Variants in LAMP3 observed in about 807,000 individuals in gnomAD.
LAMP3 encodes the protein lysosome-associated membrane glycoprotein 3.
LAMP3 carries 26 observed loss-of-function variants against 34.8 expected under a neutral mutation model. The ratio of observed to expected loss-of-function variants is 0.75; its 90% CI spans 0.55 to 1.04. LAMP3 has a LOEUF of 1.04. LAMP3 is among the 50% of genes least tolerant of loss of function. The pLI, the probability that LAMP3 is intolerant of heterozygous loss-of-function variation, is 0.00. For synonymous variants in LAMP3, 180 were observed against 201.9 expected, an observed-to-expected ratio of 0.89 and a Z score of 0.92; for missense variants, 495 against 524.0, an observed-to-expected ratio of 0.94 and a Z score of 0.54.
In LAMP3 at chr3:183,129,607, G is replaced by A. The variant is rs1290417721; in HGVS notation, c.1118-5393C>T. ...AGTGTATTGCTTTGACACTCATCTTGTTTTCTTACTCTTTCATTTTAACAT... is the reference window on the plus strand; with the variant it reads ...AGTGTATTGCTTTGACACTCATCTTATTTTCTTACTCTTTCATTTTAACAT... On this transcript the variant is annotated intron_variant, in intron 5 of 5. Transcript: ENST00000265598. Among the ~76,000 whole-genome samples the A allele has an allele frequency of 2.0e-5, 3 of 151,832 alleles. No homozygotes were observed. In the East Asian group the frequency reaches 5.8e-4, roughly 29 times the overall value.
At chr3:183,156,585 T>C (rs1720828865) in intron 1 of LAMP3, among the ~76,000 whole-genome samples, 1 of 152,176 alleles carries the variant, frequency 6.6e-6, no homozygotes, top group Non-Finnish European at 1.5e-5. Context: ...AAATAATTCA[T>C]ATATGCCTTT....
At chr3:183,148,879 G>T (rs1247528350) in intron 3 of LAMP3, among the ~76,000 whole-genome samples, 1 of 152,146 alleles carries the variant, frequency 6.6e-6, no homozygotes, top group African/African-American at 2.4e-5. Context: ...ATATCGAAGC[G>T]ATCTGCTCTC....
intron 3 of LAMP3, among the ~76,000 whole-genome samples, chr3:183,148,728 C>A (rs1720522694): frequency 6.6e-6 from 1 of 152,106 alleles, no homozygotes; most frequent in Admixed American, 6.6e-5. Context: ...AAAAGGGAAC[C>A]CTCATACACT....
Position 183,122,601 on chromosome 3 carries a change from T to C in LAMP3, c.*1480A>G, listed in dbSNP as rs1036580386. ...CTCTATTATCAAAAAAATTTAAAAA[T>C]ACTTTGAGTTTATTTGATGCCTTCA... On this transcript the variant is annotated 3_prime_UTR_variant, in exon 6 of 6. Coordinates refer to ENST00000265598, the MANE Select transcript of LAMP3 (RefSeq NM_014398.4). The C allele has an allele frequency of 2.6e-5, 4 of 152,222 alleles. No homozygotes were observed. Among genetic ancestry groups the C allele is most frequent in the African/African-American group, 9.6e-5 (4 of 41,452 alleles). 9.4% of individuals were successfully genotyped at this position (152,222 alleles called of 1,614,324 possible).
chr3:183,137,473 C>T (rs1241595149), intron 4 of LAMP3, among the ~76,000 whole-genome samples: 3 of 152,162 alleles, frequency 2.0e-5, no homozygotes, highest in African/African-American at 4.8e-5. Context: ...ACTCTCTGGT[C>T]TGCTTAGTAG....
intron 3 of LAMP3, among the ~76,000 whole-genome samples, chr3:183,147,699 G>A (rs1191694190): frequency 6.6e-6 from 1 of 151,676 alleles, no homozygotes; most frequent in East Asian, 1.9e-4. Flanking sequence ...CCCTGTTTTG[G>A]CTTAAACAAG....
chr3:183,139,195 GC>G (rs1013832602), intron 4 of LAMP3, among the ~76,000 whole-genome samples: 15 of 152,016 alleles, frequency 9.9e-5, no homozygotes, highest in Non-Finnish European at 1.8e-4. Flanking sequence ...TTTGAAACCA[GC>G]CTGACCAACG....
At chr3:183,141,445 T>G (rs529798510) in intron 3 of LAMP3, among the ~76,000 whole-genome samples, 19 of 152,354 alleles carry the variant, frequency 1.2e-4, no homozygotes, top group African/African-American at 3.8e-4. Context: ...GTTTCTATTT[T>G]TTAATTGAGG....
rs1201311368 is a variant in LAMP3, at chr3:183,126,471, A to G, written c.1118-2257T>C. Among the ~76,000 whole-genome samples the G allele has an allele frequency of 3.3e-5, 5 of 152,094 alleles. No homozygotes were observed. The South Asian group carries it at 8.3e-4, about 25-fold the overall frequency. ...AAGAAAAGAAGTGACTGATCCAATC[A>G]CCCCATTTCTTCTATTTGAATCAAT... On this transcript the variant is annotated intron_variant, in intron 5 of 5. Coordinates refer to ENST00000265598, the MANE Select transcript of LAMP3 (RefSeq NM_014398.4).
chr3:183,143,673 T>A (rs1446790512), intron 3 of LAMP3, among the ~76,000 whole-genome samples: 2 of 152,128 alleles, frequency 1.3e-5, no homozygotes, highest in African/African-American at 4.8e-5. Context: ...ATGGCTTCTG[T>A]TCATACATCC....
At chr3:183,126,713 A>G (rs980235767) in intron 5 of LAMP3, among the ~76,000 whole-genome samples, 5 of 152,228 alleles carry the variant, frequency 3.3e-5, no homozygotes, top group African/African-American at 1.2e-4. Flanking sequence ...CCATCCACCA[A>G]GAAATGTCAT....
chr3:183,154,432 T>C lies in LAMP3; in HGVS notation c.50-41A>G, dbSNP rs1039707207. The stretch of plus-strand genomic sequence containing the variant: ...TAAAAGTGTTAAAAACACTAACCGA[T>C]TGCTTACAAGGTTCCCTCTCCCATC... On this transcript the variant is annotated intron_variant, in intron 1 of 5. Coordinates refer to ENST00000265598, the MANE Select transcript of LAMP3 (RefSeq NM_014398.4). 7 of 1,463,358 alleles carry C rather than the reference T, an allele frequency of 4.8e-6. No homozygotes were observed. The African/African-American group carries it at 9.9e-5, about 21-fold the overall frequency. 90.6% of individuals were successfully genotyped at this position (1,463,358 alleles called of 1,614,324 possible). A position where few individuals can be genotyped will look rare whatever the true frequency, so the allele number is the denominator to read the frequency against.
intron 3 of LAMP3, among the ~76,000 whole-genome samples, chr3:183,147,110 G>A (rs988961017): frequency 2.6e-5 from 4 of 152,006 alleles, no homozygotes; most frequent in Non-Finnish European, 5.9e-5. Context: ...GGGCGTGGTG[G>A]CATGCACCTG....
chr3:183,126,137 C>T (rs920184853), intron 5 of LAMP3, among the ~76,000 whole-genome samples: 1 of 152,090 alleles, frequency 6.6e-6, no homozygotes, highest in African/African-American at 2.4e-5. Context: ...AGGTATATTA[C>T]AGCACTGTCC....
At position 183,138,841 on chromosome 3, in the gene LAMP3, T is replaced by C. The variant is rs554963737; in HGVS notation, c.946+1697A>G. 1.3e-3 allele frequency among the ~76,000 whole-genome samples: 197 copies of C among 152,218 alleles called. 2 individuals carry two copies. Among genetic ancestry groups the C allele is most frequent in the South Asian group, 9.3e-3 (45 of 4,826 alleles). On this transcript the variant is annotated intron_variant, in intron 4 of 5. Transcript: ENST00000265598. Reference sequence around the variant, plus strand: ...CCTCGACCTCACCTGCTGCTTATTCTCTCTCCGGGCACACTGGCACTCTGC... The same window carrying C: ...CCTCGACCTCACCTGCTGCTTATTCCCTCTCCGGGCACACTGGCACTCTGC...
chr3:183,147,295 A>G (rs1213835333), intron 3 of LAMP3, among the ~76,000 whole-genome samples: 1 of 152,104 alleles, frequency 6.6e-6, no homozygotes, highest in East Asian at 1.9e-4. Context: ...GAAGTCACTG[A>G]GAATGGACAT....
chr3:183,163,403 G>A (rs979601677), upstream of LAMP3, among the ~76,000 whole-genome samples: 7 of 151,672 alleles, frequency 4.6e-5, no homozygotes, highest in Non-Finnish European at 8.8e-5. Flanking sequence ...CGATTCTCCT[G>A]CCGCAGCCTC....
Position 183,152,521 on chromosome 3 carries a change from G to A in LAMP3, c.760-18C>T. Reference sequence around the variant, plus strand: ...GAAAAAACCTAAATCAAGTTAGATAGATCAGCTAAATGAGATGTAGAGGAA... The same window carrying A: ...GAAAAAACCTAAATCAAGTTAGATAAATCAGCTAAATGAGATGTAGAGGAA... On this transcript the variant is annotated intron_variant, in intron 2 of 5. Transcript: ENST00000265598. The A allele has an allele frequency of 1.3e-6, 2 of 1,597,304 alleles. No individual in the cohort carries two copies. Among genetic ancestry groups the A allele is most frequent in the Admixed American group, 3.5e-5 (2 of 57,114 alleles).
intron 5 of LAMP3, among the ~76,000 whole-genome samples, chr3:183,125,476 A>G (rs1719759081): frequency 6.6e-6 from 1 of 152,260 alleles, no homozygotes; most frequent in Non-Finnish European, 1.5e-5. Flanking sequence ...TAAAACTATA[A>G]TAATGTGTGC....
Sources: gnomAD v4.1 joint callset for allele counts (sites outside exome capture counted in the v4.1 genomes callset) on GRCh38, gnomAD v4.1.1 for gene constraint, MANE v1.5 for transcripts, NCBI Gene and HGNC (gene_info 2026-07-23, HGNC 2026-07-21) for gene names.